THADA: variants seen among roughly 807,000 people sequenced by gnomAD.
THADA encodes the protein tRNA (32-2'-O)-methyltransferase regulator THADA.
A neutral mutation model predicts 219.8 loss-of-function variants in THADA; 213 were observed. That is an observed-to-expected ratio of 0.97 (90% CI 0.87 to 1.09). The LOEUF is 1.09. THADA is among the 50% of genes least tolerant of loss of function. The probability of loss-of-function intolerance (pLI) is 0.00; values close to 1 mark genes in which losing one functional copy is unlikely to be tolerated. For missense variants in THADA, 2,956 were observed against 2,311.3 expected (o/e 1.28, Z -5.72); for synonymous variants, 1,018 against 828.9 (o/e 1.23, Z -3.92).
chr2:43,397,016 G>A (rs1479469172), intron 29 of THADA, among the ~76,000 whole-genome samples: 1 of 152,042 alleles, frequency 6.6e-6, no homozygotes, highest in Non-Finnish European at 1.5e-5. Flanking sequence ...TTTCCTTAGG[G>A]TTCACAAAGT....
chr2:43,372,955 T>G (rs1250296204), intron 29 of THADA, among the ~76,000 whole-genome samples: 1 of 152,032 alleles, frequency 6.6e-6, no homozygotes, highest in Non-Finnish European at 1.5e-5. Context: ...CTGCCCAAAG[T>G]GCAGGGATTA....
At chr2:43,510,123 ATTCT>A (rs1690217292) in intron 22 of THADA, among the ~76,000 whole-genome samples, 1 of 152,224 alleles carries the variant, frequency 6.6e-6, no homozygotes, top group African/African-American at 2.4e-5. Flanking sequence ...ACATCAAGAA[ATTCT>A]TTATAAAATG....
chr2:43,502,378 A>G (rs1299606470), intron 24 of THADA, among the ~76,000 whole-genome samples: 2 of 152,202 alleles, frequency 1.3e-5, no homozygotes, highest in Non-Finnish European at 2.9e-5. Context: ...TGAGGTCAGG[A>G]GTTCGAGACT....
Position 43,581,579 on chromosome 2 carries a change from C to A in THADA, c.721+162G>T, listed in dbSNP as rs192805650. Among the ~76,000 whole-genome samples the A allele has an allele frequency of 7.2e-4, 105 of 144,846 alleles. 1 individual carries two copies. The East Asian group carries it at 0.016, about 22-fold the overall frequency. ...AAAAAGAAAAGAAAAAAAAAAAAAACCATGTAGTCCAGGGCCTCCCTCCAT... is the reference window on the plus strand; with the variant it reads ...AAAAAGAAAAGAAAAAAAAAAAAAAACATGTAGTCCAGGGCCTCCCTCCAT... On this transcript the variant is annotated intron_variant, in intron 8 of 37. Coordinates refer to ENST00000405975, the MANE Select transcript of THADA (RefSeq NM_022065.5).
rs758297048 is a variant in THADA, at chr2:43,571,785, C to A, written c.1986G>T (p.Trp662Cys). 10 of 1,613,634 alleles carry A rather than the reference C, an allele frequency of 6.2e-6. No individual in the cohort carries two copies. In the East Asian group the frequency reaches 2.2e-4, roughly 36 times the overall value. Reference protein sequence around the residue: ...TEIVSMEEMQWIQFFITYNLN... With the variant: ...TEIVSMEEMQCIQFFITYNLN... The stretch of plus-strand genomic sequence containing the variant: ...GATTGTATGTAATAAAGAACTGAAT[C>A]CACTGCATTTCTTCCATGGAAACAA... The change falls in exon 13 of 38, where the codon TGG (tryptophan) becomes TGT (cysteine). Residue 662 changes from tryptophan (W) to cysteine (C), a missense_variant. Physicochemically the swap from Trp to Cys is radical, Grantham distance 215. Coordinates refer to ENST00000405975, the MANE Select transcript of THADA (RefSeq NM_022065.5).
chr2:43,460,267 A>G (rs13002570), intron 26 of THADA, among the ~76,000 whole-genome samples: 112 of 125,890 alleles, frequency 8.9e-4, no homozygotes, highest in African/African-American at 3.2e-3. Context: ...AAAAAAAAAA[A>G]GTAAGCCAGA....
At position 43,592,319 on chromosome 2, in the gene THADA, T is replaced by C. The variant is rs780683695; in HGVS notation, c.74A>G (p.Lys25Arg). ...AAGGGAAACCAGAAGTCACCTACAT[T>C]TCAAAGTTTCAAGGTCCTGATGGCA... is the stretch of plus-strand genomic sequence containing the variant. ...TICHQDLETL[K>R]SFADVEGKNL... Residue 25 changes from lysine to arginine, a missense_variant and splice_region_variant, in exon 2 of 38, where the codon AAA becomes AGA. Physicochemically the swap from Lys to Arg is conservative, Grantham distance 26. Transcript: ENST00000405975. The C allele has an allele frequency of 3.1e-6, 5 of 1,600,756 alleles. No individual in the cohort carries two copies. The highest frequency in any genetic ancestry group is 4.3e-6 in the Non-Finnish European group (5 of 1,174,164).
chr2:43,383,534 A>G (rs79595630), intron 29 of THADA, among the ~76,000 whole-genome samples: 4,022 of 152,296 alleles, frequency 0.026, 192 homozygotes, highest in African/African-American at 0.092. Flanking sequence ...CCAACCATCT[A>G]GCTACTAGCT....
intron 20 of THADA, among the ~76,000 whole-genome samples, chr2:43,543,029 C>G (rs1368374581): frequency 8.2e-6 from 1 of 122,384 alleles, no homozygotes; most frequent in African/African-American, 3.1e-5. Flanking sequence ...CCCCCCTCCC[C>G]CCACCCCACA....
chr2:43,428,594 G>C (rs546369123), intron 27 of THADA, among the ~76,000 whole-genome samples: 6 of 152,242 alleles, frequency 3.9e-5, no homozygotes, highest in African/African-American at 1.4e-4. Context: ...GACACAGTGA[G>C]ACTCCATTTC....
intron 35 of THADA, among the ~76,000 whole-genome samples, chr2:43,281,690 G>T (rs372226753): frequency 7.0e-4 from 106 of 152,154 alleles, no homozygotes; most frequent in African/African-American, 2.4e-3. Context: ...ACCCTCCTCA[G>T]CCTCCCAAAG....
At chr2:43,410,878 AGTT>A (rs1226138212) in intron 28 of THADA, among the ~76,000 whole-genome samples, 2 of 152,306 alleles carry the variant, frequency 1.3e-5, no homozygotes, top group Middle Eastern at 3.4e-3. Flanking sequence ...ACCCCAATAA[AGTT>A]GTTTTTAAAA....
intron 31 of THADA, among the ~76,000 whole-genome samples, chr2:43,298,624 A>G (rs1286724793): frequency 6.6e-6 from 1 of 151,976 alleles, no homozygotes; most frequent in Non-Finnish European, 1.5e-5. Context: ...AAAAATTGTA[A>G]TTAACAACAG....
intron 31 of THADA, among the ~76,000 whole-genome samples, chr2:43,293,986 G>A (rs1416280436): frequency 6.6e-6 from 1 of 152,134 alleles, no homozygotes; most frequent in Non-Finnish European, 1.5e-5. Flanking sequence ...TGACTCATAT[G>A]GAGCACAAAG....
chr2:43,530,911 T>C (rs1046913676), intron 21 of THADA, among the ~76,000 whole-genome samples: 1 of 152,228 alleles, frequency 6.6e-6, no homozygotes, highest in Non-Finnish European at 1.5e-5. Flanking sequence ...AACTGAGATA[T>C]AGGCAGTTTT....
At position 43,561,062 on chromosome 2, in the gene THADA, G is replaced by T. The variant is rs140967542; in HGVS notation, c.2312-677C>A. Among the ~76,000 whole-genome samples the T allele has an allele frequency of 1.2e-3, 176 of 149,272 alleles. 4 individuals are homozygous for T. The South Asian group carries it at 0.022, about 19-fold the overall frequency. The stretch of plus-strand genomic sequence containing the variant: ...AAGCAAAGTCCTACCATATCTTAGA[G>T]TGAACTGACATAGAATGATCAGTAT... On this transcript the variant is annotated intron_variant, in intron 15 of 37. Coordinates refer to ENST00000405975, the MANE Select transcript of THADA (RefSeq NM_022065.5).
chr2:43,562,765 T>A (rs1280828935), intron 15 of THADA: 1 of 152,232 alleles, frequency 6.6e-6, no homozygotes, highest in Non-Finnish European at 1.5e-5. Context: ...CTCTTATAGG[T>A]CTGCTCACAT....
intron 8 of THADA, among the ~76,000 whole-genome samples, chr2:43,580,877 C>A (rs989616705): frequency 3.6e-4 from 55 of 151,156 alleles, no homozygotes; most frequent in African/African-American, 1.3e-3. Context: ...GAGACTCCAT[C>A]TCAGACAAAA....
Position 43,549,220 on chromosome 2 carries a change from T to C in THADA, c.3096A>G (p.Thr1032=), listed in dbSNP as rs1349867870. Residue 1032 remains threonine (T), a synonymous_variant, in exon 20 of 38, where the codon ACA becomes ACG. Transcript: ENST00000405975. ...NASVVNIDTS[T]EIKGKEVKTC... ...TTTTATACAAGTTACCTTTGATTTC[T>C]GTAGAAGTATCAATATTCACCACAC... 1 of 1,573,304 alleles carries C rather than the reference T, an allele frequency of 6.4e-7. No homozygotes were observed. Among genetic ancestry groups the C allele is most frequent in the Admixed American group, 2.0e-5 (1 of 51,086 alleles).
Sources: allele counts gnomAD v4.1 joint callset (sites outside exome capture counted in the v4.1 genomes callset), GRCh38; gene constraint gnomAD v4.1.1; transcripts MANE v1.5; gene names NCBI Gene and HGNC (gene_info 2026-07-23, HGNC 2026-07-21).